MACROD2: variants seen among roughly 807,000 people sequenced by gnomAD.
MACROD2 encodes the protein mono-ADP ribosylhydrolase 2, also known as ADP-ribose glycohydrolase MACROD2.
MACROD2 carries 36 observed loss-of-function variants against 70.4 expected under a neutral mutation model. That is an observed-to-expected ratio of 0.51 (90% confidence interval 0.39 to 0.68). The LOEUF (loss-of-function observed/expected upper bound fraction) is 0.68, where lower values mean the gene tolerates loss of function less well. Among genes scored for constraint, MACROD2 ranks in the 30% least tolerant of loss-of-function variants. MACROD2 has a pLI of 0.00. For synonymous variants in MACROD2, 172 were observed against 178.8 expected (o/e 0.96, Z 0.30); for missense variants, 496 against 538.4 (o/e 0.92, Z 0.78).
chr20:14,739,557 C>A (rs1427884976), intron 5 of MACROD2, among the ~76,000 whole-genome samples: 1 of 151,786 alleles, frequency 6.6e-6, no homozygotes, highest in Non-Finnish European at 1.5e-5. Context: ...AAGGTATTAT[C>A]TACTCAAAAA....
chr20:14,854,592 A>G (rs1475779230), intron 5 of MACROD2, among the ~76,000 whole-genome samples: 3 of 152,172 alleles, frequency 2.0e-5, no homozygotes, highest in East Asian at 3.9e-4. Flanking sequence ...ATTTTACACT[A>G]CAAAGTTCAT....
chr20:15,618,265 T>G (rs1156258695), intron 8 of MACROD2, among the ~76,000 whole-genome samples: 1 of 152,056 alleles, frequency 6.6e-6, no homozygotes, highest in African/African-American at 2.4e-5. Flanking sequence ...TAACTAACAT[T>G]GTGTTCTCAG....
chr20:14,082,835 T>C lies in MACROD2; in HGVS notation c.164-2786T>C, dbSNP rs892462966. 1.3e-5 allele frequency among the ~76,000 whole-genome samples: 2 copies of C among 152,268 alleles called. 1 individual carries two copies. The highest frequency in any genetic ancestry group is 4.1e-4 in the South Asian group (2 of 4,828). On this transcript the variant is annotated intron_variant, in intron 2 of 17. Transcript: ENST00000684519. ...CTCTGACAAAGCCACCAAATGTTTATTGTCATTTAACAATCGTTAATGGAG... is the reference window on the plus strand; with the variant it reads ...CTCTGACAAAGCCACCAAATGTTTACTGTCATTTAACAATCGTTAATGGAG...
chr20:15,179,303 C>T (rs1354465360), intron 5 of MACROD2, among the ~76,000 whole-genome samples: 1 of 152,136 alleles, frequency 6.6e-6, no homozygotes, highest in Non-Finnish European at 1.5e-5. Flanking sequence ...CAGATATAAA[C>T]AATTCTACCT....
At chr20:14,145,414 C>T (rs1390249412) in intron 3 of MACROD2, among the ~76,000 whole-genome samples, 2 of 152,026 alleles carry the variant, frequency 1.3e-5, no homozygotes, top group East Asian at 1.9e-4. Context: ...AACATTGATT[C>T]CATTAATTTG....
At chr20:15,083,912 T>G (rs2123141989) in intron 5 of MACROD2, among the ~76,000 whole-genome samples, 1 of 152,070 alleles carries the variant, frequency 6.6e-6, no homozygotes, top group Non-Finnish European at 1.5e-5. Context: ...TCCTTTCCCC[T>G]GATGTCATTT....
intron 8 of MACROD2, among the ~76,000 whole-genome samples, chr20:15,602,511 C>T (rs2048836049): frequency 1.3e-5 from 2 of 152,206 alleles, no homozygotes; most frequent in African/African-American, 4.8e-5. Context: ...AGAACCCAAA[C>T]TTCAGTAGCT....
At chr20:14,492,755 G>T (rs2084808639) in intron 3 of MACROD2, among the ~76,000 whole-genome samples, 1 of 152,030 alleles carries the variant, frequency 6.6e-6, no homozygotes, top group African/African-American at 2.4e-5. Context: ...ATTGAATTAT[G>T]CTTTCTGGTT....
At chr20:15,031,306 C>T (rs565046765) in intron 5 of MACROD2, among the ~76,000 whole-genome samples, 2 of 152,328 alleles carry the variant, frequency 1.3e-5, no homozygotes, top group South Asian at 2.1e-4. Flanking sequence ...TGCAGCTCTT[C>T]TCTCCTTCCC....
intron 5 of MACROD2, among the ~76,000 whole-genome samples, chr20:15,114,291 C>T (rs1375780247): frequency 1.3e-5 from 2 of 152,176 alleles, no homozygotes; most frequent in East Asian, 3.8e-4. Flanking sequence ...CCATGACTTG[C>T]TGCTAGTTAA....
At chr20:15,360,294 A>G (rs2146242793) in intron 6 of MACROD2, among the ~76,000 whole-genome samples, 1 of 152,250 alleles carries the variant, frequency 6.6e-6, no homozygotes, top group Middle Eastern at 3.4e-3. Context: ...TTTGACTATT[A>G]CAAATAAAAG....
chr20:14,686,447 T>C (rs2123600352), intron 5 of MACROD2, among the ~76,000 whole-genome samples: 1 of 152,354 alleles, frequency 6.6e-6, no homozygotes, highest in East Asian at 1.9e-4. Flanking sequence ...AATTTTCCAC[T>C]TGTGGCATCA....
chr20:14,991,830 C>T (rs1215430159), intron 5 of MACROD2, among the ~76,000 whole-genome samples: 2 of 152,120 alleles, frequency 1.3e-5, no homozygotes, highest in Non-Finnish European at 2.9e-5. Context: ...AATTAATGCT[C>T]CAGGTCTACA....
At chr20:15,087,743 CAAAATT>C (rs1200596828) in intron 5 of MACROD2, among the ~76,000 whole-genome samples, 2 of 151,472 alleles carry the variant, frequency 1.3e-5, no homozygotes, top group South Asian at 2.1e-4. Flanking sequence ...TCAATATAAA[CAAAATT>C]AAAAGACAAA....
At chr20:14,409,938 C>T (rs2083731957) in intron 3 of MACROD2, among the ~76,000 whole-genome samples, 1 of 152,086 alleles carries the variant, frequency 6.6e-6, no homozygotes, top group Non-Finnish European at 1.5e-5. Context: ...AGCATTCACC[C>T]GTCCTGTGTA....
At chr20:15,431,354 C>T (rs375350598) in intron 6 of MACROD2, 51 bp from the exon 7 acceptor site, 12 of 1,499,918 alleles carry the variant, frequency 8.0e-6, no homozygotes, top group East Asian at 4.5e-5. Context: ...GATGATGTTG[C>T]GTAGAGTTGT....
At chr20:14,961,572 G>A (rs6135317) in intron 5 of MACROD2, among the ~76,000 whole-genome samples, 1 of 152,072 alleles carries the variant, frequency 6.6e-6, no homozygotes, top group Non-Finnish European at 1.5e-5. Context: ...CTGCCACCAA[G>A]GCTGGAGTGC....
Position 15,673,326 on chromosome 20 carries a change from C to T in MACROD2, c.645+173479C>T, listed in dbSNP as rs112685632. On this transcript the variant is annotated intron_variant, in intron 8 of 17. Transcript: ENST00000684519. ...GAACTTGCTTCTGAACATTCTGTTA[C>T]GTCATTTTTAAATACTTGCCAATTA... is the stretch of plus-strand genomic sequence containing the variant. Among the ~76,000 whole-genome samples the T allele has an allele frequency of 3.2e-3, 483 of 152,220 alleles. 3 individuals are homozygous for T. Among genetic ancestry groups the T allele is most frequent in the African/African-American group, 0.011 (453 of 41,524 alleles).
chr20:15,736,222 C>T (rs2146957911), intron 8 of MACROD2, among the ~76,000 whole-genome samples: 1 of 152,284 alleles, frequency 6.6e-6, no homozygotes, highest in Middle Eastern at 3.4e-3. Context: ...AGTTTAGAGT[C>T]ACATTGGAAT....
Sources: gnomAD v4.1 joint callset for allele counts (sites outside exome capture counted in the v4.1 genomes callset) on GRCh38, gnomAD v4.1.1 for gene constraint, MANE v1.5 for transcripts, NCBI Gene and HGNC (gene_info 2026-07-23, HGNC 2026-07-21) for gene names.